Variants in SORL1 observed in about 807,000 individuals in gnomAD.
The protein encoded by SORL1 is sortilin-related receptor.
Under a neutral mutation model 273.7 loss-of-function variants are expected in SORL1, and 127 were observed. The ratio of observed to expected loss-of-function variants is 0.46; its 90% CI spans 0.40 to 0.54. The LOEUF (loss-of-function observed/expected upper bound fraction) is 0.54. SORL1 is among the 20% of genes least tolerant of loss of function. The pLI, the probability that SORL1 is intolerant of heterozygous loss-of-function variation, is 0.00. For synonymous variants in SORL1, 1,031 were observed against 1,067.4 expected, an observed-to-expected ratio of 0.97 and a Z score of 0.66; for missense variants, 2,494 against 2,846.1, an observed-to-expected ratio of 0.88 and a Z score of 2.81.
chr11:121,589,532 C>T, intron 29 of SORL1, 142 bp downstream of exon 29: 1 of 1,043,348 alleles, frequency 9.6e-7, no homozygotes, highest in Non-Finnish European at 1.4e-6. Context: ...TTCCTGAATA[C>T]TCATACGAGT....
chr11:121,573,842 A>C (rs1303143354), intron 23 of SORL1, among the ~76,000 whole-genome samples: 1 of 152,202 alleles, frequency 6.6e-6, no homozygotes, highest in Non-Finnish European at 1.5e-5. Context: ...TGTACAATGA[A>C]GTGCTAACTT....
chr11:121,586,708 G>T (rs1264739171), intron 27 of SORL1, among the ~76,000 whole-genome samples: 1 of 127,808 alleles, frequency 7.8e-6, no homozygotes, highest in African/African-American at 2.9e-5. Flanking sequence ...GGGGGGGCGG[G>T]GGGGGGGCAT....
At chr11:121,544,070 G>C (rs4935776) in intron 13 of SORL1, among the ~76,000 whole-genome samples, 10,295 of 152,118 alleles carry the variant, frequency 0.068, 473 homozygotes, top group Admixed American at 0.12. Flanking sequence ...GTGCCTGACT[G>C]TCTGTAAGTC....
chr11:121,628,737 A>G (rs999309944), intron 47 of SORL1: 9 of 152,246 alleles, frequency 5.9e-5, no homozygotes, highest in African/African-American at 1.7e-4. Context: ...AACTTAGACT[A>G]ATCACTGTGA....
chr11:121,539,304 T>C (rs1410662280), intron 12 of SORL1, among the ~76,000 whole-genome samples: 1 of 152,236 alleles, frequency 6.6e-6, no homozygotes, highest in African/African-American at 2.4e-5. Flanking sequence ...GTGAAACCAT[T>C]TGGGTTCTTA....
rs982101102 is a variant in SORL1 at position 121,515,470 on chromosome 11, A to C, written c.1211+1149A>C. 4.6e-5 allele frequency among the ~76,000 whole-genome samples: 7 copies of C among 152,146 alleles called. No homozygotes were observed. The South Asian group carries it at 1.0e-3, about 23-fold the overall frequency. On this transcript the variant is annotated intron_variant, in intron 8 of 47. Coordinates refer to ENST00000260197, the MANE Select transcript of SORL1 (RefSeq NM_003105.6). ...GCTGCAAGCAGGGCAGACAGGAAGC[A>C]CAGTGACTCTGAGGCTGGACTGCAC...
intron 14 of SORL1, 64 bp from the exon 15 acceptor site, chr11:121,549,896 T>C: frequency 6.6e-7 from 1 of 1,513,258 alleles, no homozygotes; most frequent in Non-Finnish European, 9.0e-7. Flanking sequence ...GTCAGCAGAA[T>C]TGGTACAGGA....
At chr11:121,480,589 G>T (rs1212504461) in intron 3 of SORL1, among the ~76,000 whole-genome samples, 2 of 151,786 alleles carry the variant, frequency 1.3e-5, no homozygotes. Context: ...CTATAGGCAG[G>T]CTCCATCTCC....
At chr11:121,601,583 G>GTT (rs11430505) in intron 32 of SORL1, among the ~76,000 whole-genome samples, 26,451 of 136,942 alleles carry the variant, frequency 0.19, 4,377 homozygotes, top group African/African-American at 0.45. Context: ...TTTAATGATT[G>GTT]TTTTTTTTTT....
chr11:121,550,632 C>A lies in SORL1; in HGVS notation c.2228C>A (p.Ala743Glu), dbSNP rs373077929. The A allele has an allele frequency of 6.2e-7, 1 of 1,614,034 alleles. No individual in the cohort carries two copies. Among genetic ancestry groups the A allele is most frequent in the East Asian group, 2.2e-5 (1 of 44,874 alleles). Reference protein sequence around the residue: ...GDTCSGGDVEARLEGELVPCP... With the variant: ...GDTCSGGDVEERLEGELVPCP... ...ACTTGTAGCGGAGGAGATGTTGAAGCGCGACTGGAAGGAGAGCTGGTCCCC... is the reference window on the plus strand; with the variant it reads ...ACTTGTAGCGGAGGAGATGTTGAAGAGCGACTGGAAGGAGAGCTGGTCCCC... Residue 743 changes from alanine to glutamate, a missense_variant, in exon 16 of 48, where the codon GCG becomes GAG. By Grantham distance (107) the Ala-to-Glu change is moderately radical (BLOSUM62 -1). This residue lies in a region of SORL1 where 710 missense variants were observed against 882.5 expected (regional missense o/e 0.80). Coordinates refer to ENST00000260197, the MANE Select transcript of SORL1 (RefSeq NM_003105.6). This position sits in a 1 kb window ranked among gnomAD's most constrained non-coding sequence, Gnocchi z 5.3.
At chr11:121,467,137 C>T (rs867619226) in intron 1 of SORL1, among the ~76,000 whole-genome samples, 1 of 148,772 alleles carries the variant, frequency 6.7e-6, no homozygotes, top group African/African-American at 2.5e-5. Context: ...TCACGCCATT[C>T]TCCTGCCTCA....
intron 14 of SORL1, 134 bp from the exon 15 acceptor site, chr11:121,549,826 A>G: frequency 3.2e-6 from 2 of 627,830 alleles, no homozygotes; most frequent in Non-Finnish European, 5.1e-6. Flanking sequence ...TAAAAAGTAA[A>G]TATTCTTTAA....
chr11:121,591,800 T>C (rs866986334), intron 31 of SORL1, among the ~76,000 whole-genome samples: 39 of 152,218 alleles, frequency 2.6e-4, no homozygotes, highest in African/African-American at 8.7e-4. Context: ...ATGCTTTGCA[T>C]GATCTTTTCC....
intron 3 of SORL1, among the ~76,000 whole-genome samples, chr11:121,482,736 G>A (rs1861411781): frequency 6.6e-6 from 1 of 152,264 alleles, no homozygotes; most frequent in African/African-American, 2.4e-5. Flanking sequence ...CTGCCAAGGA[G>A]CATTTGAAAT....
At chr11:121,573,956 C>T (rs144782817) in intron 23 of SORL1, among the ~76,000 whole-genome samples, 151 of 152,306 alleles carry the variant, frequency 9.9e-4, no homozygotes, top group African/African-American at 3.5e-3. Flanking sequence ...CTTAGGAGGT[C>T]ACCTAGCCTG....
rs535475965 is a variant in SORL1 at position 121,563,195 on chromosome 11, C to G, written c.3049+3538C>G. On this transcript the variant is annotated intron_variant, in intron 21 of 47. Coordinates refer to ENST00000260197, the MANE Select transcript of SORL1 (RefSeq NM_003105.6). The surrounding 1 kb of genome is among the most constrained non-coding windows in gnomAD (Gnocchi z 4.2). The stretch of plus-strand genomic sequence containing the variant: ...GCACTGTGGCCCGTTGACTTCAAAG[C>G]CTGAACTTCGATAAAACCACCCGGC... Among the ~76,000 whole-genome samples the G allele has an allele frequency of 6.6e-6, 1 of 152,282 alleles. No homozygotes were observed. Among genetic ancestry groups the G allele is most frequent in the African/African-American group, 2.4e-5 (1 of 41,566 alleles).
intron 45 of SORL1, among the ~76,000 whole-genome samples, chr11:121,622,639 T>C (rs139949889): frequency 6.6e-6 from 1 of 152,184 alleles, no homozygotes; most frequent in African/African-American, 2.4e-5. Context: ...GGACTGTGGC[T>C]TCAGTACCAG....
chr11:121,612,201 A>T (rs185413065), intron 39 of SORL1: 7 of 152,802 alleles, frequency 4.6e-5, no homozygotes, highest in Admixed American at 4.6e-4. Flanking sequence ...CTTGTCTTGT[A>T]GTCTTTGATC....
In SORL1 at chr11:121,490,383, C is replaced by A. The variant is rs957380792; in HGVS notation, c.758+273C>A. Among the ~76,000 whole-genome samples, 5 of 151,662 alleles carry A rather than the reference C, an allele frequency of 3.3e-5. No homozygotes were observed. The East Asian group carries it at 9.7e-4, about 29-fold the overall frequency. On this transcript the variant is annotated intron_variant, in intron 5 of 47. Coordinates refer to ENST00000260197, the MANE Select transcript of SORL1 (RefSeq NM_003105.6). ...ACCCAGGGGAATCTTGAGGCCCTTGCATGTTTGTAGAGTTTCATTTTTAGA... is the reference window on the plus strand; with the variant it reads ...ACCCAGGGGAATCTTGAGGCCCTTGAATGTTTGTAGAGTTTCATTTTTAGA...
Sources: allele counts gnomAD v4.1 joint callset (sites outside exome capture counted in the v4.1 genomes callset), GRCh38; gene constraint gnomAD v4.1.1; regional missense constraint gnomAD v4.1.1; non-coding constraint Gnocchi (gnomAD v3.1); transcripts MANE v1.5; gene names NCBI Gene and HGNC (gene_info 2026-07-23, HGNC 2026-07-21).